The following CNBD1 variants were observed in gnomAD, a reference collection of about 807,000 sequenced individuals.
CNBD1 encodes the protein cyclic nucleotide-binding domain-containing protein 1.
Under a neutral mutation model 54.4 loss-of-function variants are expected in CNBD1, and 71 were observed. The observed-to-expected ratio is 1.30, with a 90% CI of 1.08 to 1.59. CNBD1 has a LOEUF of 1.59. CNBD1 is among the 40% of genes most tolerant of loss of function. The pLI is 0.00. For synonymous variants in CNBD1, 182 were observed against 170.7 expected (o/e 1.07, Z -0.51); for missense variants, 659 against 518.0 (o/e 1.27, Z -2.64).
At chr8:87,264,843 G>T (rs1039399460) in intron 6 of CNBD1, among the ~76,000 whole-genome samples, 3 of 151,866 alleles carry the variant, frequency 2.0e-5, no homozygotes, top group Non-Finnish European at 2.9e-5. Flanking sequence ...TTGTTGATGG[G>T]GTTGTTTGTT....
chr8:87,399,838 C>T (rs1321836736), intron 2 of CNBD1, among the ~76,000 whole-genome samples: 1 of 151,912 alleles, frequency 6.6e-6, no homozygotes, highest in Non-Finnish European at 1.5e-5. Flanking sequence ...TTAACTGGTA[C>T]AGCTGAACTA....
At chr8:87,198,897 G>T (rs755336404) in intron 4 of CNBD1, among the ~76,000 whole-genome samples, 2 of 152,206 alleles carry the variant, frequency 1.3e-5, no homozygotes, top group Non-Finnish European at 2.9e-5. Context: ...TTTACAGGAA[G>T]CCTGGTGCGG....
chr8:87,389,031 C>T (rs954475629), intron 2 of CNBD1, among the ~76,000 whole-genome samples: 3 of 152,100 alleles, frequency 2.0e-5, no homozygotes, highest in Admixed American at 6.6e-5. Flanking sequence ...GCAGAAAAGG[C>T]CTTTGACAGA....
chr8:87,050,228 G>A (rs1386878233), intron 4 of CNBD1, among the ~76,000 whole-genome samples: 1 of 152,178 alleles, frequency 6.6e-6, no homozygotes, highest in African/African-American at 2.4e-5. Flanking sequence ...GCTGTTTGAG[G>A]ATTTGGGAAA....
chr8:87,244,267 C>A (rs1213974837), intron 6 of CNBD1, among the ~76,000 whole-genome samples: 3 of 152,102 alleles, frequency 2.0e-5, no homozygotes, highest in African/African-American at 7.2e-5. Flanking sequence ...TTCTGATAAA[C>A]CTTTCCAAAG....
At chr8:87,072,409 T>C (rs1810777335) in intron 4 of CNBD1, among the ~76,000 whole-genome samples, 1 of 152,196 alleles carries the variant, frequency 6.6e-6, no homozygotes, top group Admixed American at 6.5e-5. Flanking sequence ...CACTGGTTTG[T>C]CTATTTTGTT....
At chr8:87,426,537 A>T (rs1278516856) in intron 2 of CNBD1, among the ~76,000 whole-genome samples, 1 of 152,246 alleles carries the variant, frequency 6.6e-6, no homozygotes, top group African/African-American at 2.4e-5. Context: ...ACAATAACAG[A>T]AACTTATAAT....
At chr8:86,911,330 A>C (rs1809096831) in intron 3 of CNBD1, among the ~76,000 whole-genome samples, 1 of 152,214 alleles carries the variant, frequency 6.6e-6, no homozygotes, top group Non-Finnish European at 1.5e-5. Context: ...CACCCTCACT[A>C]TCTGCCTAAA....
At chr8:87,021,808 A>G (rs187187249) in intron 4 of CNBD1, among the ~76,000 whole-genome samples, 13 of 152,346 alleles carry the variant, frequency 8.5e-5, no homozygotes, top group Non-Finnish European at 1.9e-4. Flanking sequence ...ATAAAAATGT[A>G]AAGAAAATAC....
chr8:87,415,317 C>T (rs1807817721), intron 2 of CNBD1, among the ~76,000 whole-genome samples: 1 of 151,948 alleles, frequency 6.6e-6, no homozygotes, highest in Non-Finnish European at 1.5e-5. Context: ...TATTAAGAGT[C>T]CTAAGGTACT....
chr8:86,914,199 G>T (rs1809147945), intron 3 of CNBD1, among the ~76,000 whole-genome samples: 1 of 152,168 alleles, frequency 6.6e-6, no homozygotes, highest in Non-Finnish European at 1.5e-5. Flanking sequence ...AGTTTATGCA[G>T]ATGACAGGAT....
At chr8:87,010,308 C>T (rs1809189981) in intron 4 of CNBD1, among the ~76,000 whole-genome samples, 1 of 152,030 alleles carries the variant, frequency 6.6e-6, no homozygotes, top group Admixed American at 6.6e-5. Context: ...ATTCTTTCAT[C>T]TCTCCAAGCT....
chr8:86,998,342 C>T (rs150239760), intron 4 of CNBD1, among the ~76,000 whole-genome samples: 8 of 152,048 alleles, frequency 5.3e-5, no homozygotes, highest in East Asian at 1.9e-4. Context: ...TCTTCTTGTG[C>T]TGAGGAACAC....
chr8:87,356,267 G>A (rs1810417702), intron 10 of CNBD1, among the ~76,000 whole-genome samples: 1 of 152,146 alleles, frequency 6.6e-6, no homozygotes, highest in Admixed American at 6.6e-5. Flanking sequence ...AGCAGAGGTT[G>A]GAAGAGTTTG....
At chr8:87,292,273 A>G (rs555424494) in intron 8 of CNBD1, among the ~76,000 whole-genome samples, 42 of 152,338 alleles carry the variant, frequency 2.8e-4, no homozygotes, top group African/African-American at 9.9e-4. Flanking sequence ...CTGAGAGAAT[A>G]AAGGCAATTT....
At chr8:87,382,376 C>G (rs1053550092) in intron 10 of CNBD1, among the ~76,000 whole-genome samples, 2 of 151,902 alleles carry the variant, frequency 1.3e-5, no homozygotes, top group Admixed American at 6.6e-5. Context: ...AAGAGAGGAT[C>G]AAATCACTCC....
At chr8:87,269,163 C>G (rs1475853928) in intron 6 of CNBD1, among the ~76,000 whole-genome samples, 1 of 152,044 alleles carries the variant, frequency 6.6e-6, no homozygotes, top group Admixed American at 6.6e-5. Flanking sequence ...ATCCCAGCAC[C>G]ATTTACTGAA....
chr8:87,283,292 C>T (rs1330004952), intron 6 of CNBD1, among the ~76,000 whole-genome samples: 1 of 152,128 alleles, frequency 6.6e-6, no homozygotes, highest in East Asian at 1.9e-4. Flanking sequence ...TTATAGTCTA[C>T]ACATTTTAAA....
chr8:87,116,984 C>T (rs781343489), intron 4 of CNBD1, among the ~76,000 whole-genome samples: 11 of 152,120 alleles, frequency 7.2e-5, no homozygotes, highest in Non-Finnish European at 1.2e-4. Context: ...TGAGGGCAGA[C>T]AATCTGTCTT....
Sources: gnomAD v4.1 joint callset for allele counts (sites outside exome capture counted in the v4.1 genomes callset) on GRCh38, gnomAD v4.1.1 for gene constraint, MANE v1.5 for transcripts, NCBI Gene and HGNC (gene_info 2026-07-23, HGNC 2026-07-21) for gene names.